Variants in COL21A1 observed in about 807,000 individuals in gnomAD.
The protein encoded by COL21A1 is collagen alpha-1(XXI) chain.
Under a neutral mutation model 137.9 loss-of-function variants are expected in COL21A1, and 149 were observed. The observed-to-expected ratio is 1.08, with a 90% CI of 0.95 to 1.24. COL21A1 has a LOEUF of 1.24. Among genes scored for constraint, COL21A1 ranks in the 50% most tolerant of loss-of-function variants. The pLI is 0.00. For missense variants in COL21A1, 1,167 were observed against 1,158.4 expected (o/e 1.01, Z -0.11); for synonymous variants, 456 against 391.5 (o/e 1.16, Z -1.95).
intron 5 of COL21A1, among the ~76,000 whole-genome samples, chr6:56,169,012 G>C (rs1434678629): frequency 6.6e-6 from 1 of 151,904 alleles, no homozygotes; most frequent in African/African-American, 2.4e-5. Flanking sequence ...ACCCCCCAGA[G>C]TTTTCTTCTT....
chr6:56,278,611 G>T (rs1303035066), intron 1 of COL21A1, among the ~76,000 whole-genome samples: 1 of 152,152 alleles, frequency 6.6e-6, no homozygotes, highest in Non-Finnish European at 1.5e-5. Flanking sequence ...CATTCATGCA[G>T]CATGGTATAT....
chr6:56,297,913 C>A (rs143004493), intron 1 of COL21A1, among the ~76,000 whole-genome samples: 2,943 of 152,024 alleles, frequency 0.019, 53 homozygotes, highest in Non-Finnish European at 0.033. Flanking sequence ...CTCAATTCTG[C>A]ACTGTTCATT....
rs1446495516 is a variant in COL21A1, at chr6:56,156,946, CA to C, written c.1374del (p.Asp459ThrfsTer121). 1.9e-6 allele frequency: 3 copies of C among 1,610,300 alleles called. No homozygotes were observed. The highest frequency in any genetic ancestry group is 2.5e-6 in the Non-Finnish European group (3 of 1,178,348). On this transcript the variant is annotated frameshift_variant and splice_region_variant, in exon 10 of 30. Coordinates refer to ENST00000244728, the MANE Select transcript of COL21A1 (RefSeq NM_030820.4). LOFTEE classifies it high-confidence loss of function. ...PGKPGLQGPK[G>X]DPGLPGNPGY... Reference sequence around the variant, plus strand: ...CCAGGGTTCCCAGGCAGTCCAGGGTCACCCTAAGCAGGAAGCAAACAAACTT... The same window carrying C: ...CCAGGGTTCCCAGGCAGTCCAGGGTCCCCTAAGCAGGAAGCAAACAAACTT...
chr6:56,298,006 C>T (rs1192832764), intron 1 of COL21A1, among the ~76,000 whole-genome samples: 1 of 151,902 alleles, frequency 6.6e-6, no homozygotes, highest in Non-Finnish European at 1.5e-5. Context: ...GAATATCTGG[C>T]TCTAACACTT....
intron 1 of COL21A1, among the ~76,000 whole-genome samples, chr6:56,320,518 AACACACACACACACAC>A (rs55942460): frequency 1.3e-5 from 2 of 149,492 alleles, no homozygotes; most frequent in Admixed American, 6.7e-5. Flanking sequence ...ACACAATCTG[AACACACACACACACAC>A]ACACACACAC....
chr6:56,103,946 T>C (rs1245807861), intron 16 of COL21A1, among the ~76,000 whole-genome samples: 1 of 152,176 alleles, frequency 6.6e-6, no homozygotes, highest in Non-Finnish European at 1.5e-5. Flanking sequence ...GAAACACTAC[T>C]CTAGCCCAGA....
At chr6:56,329,684 C>A (rs1372801923) in intron 1 of COL21A1, among the ~76,000 whole-genome samples, 1 of 152,008 alleles carries the variant, frequency 6.6e-6, no homozygotes, top group South Asian at 2.1e-4. Flanking sequence ...AATAAGGCTG[C>A]CACGAACTTG....
In COL21A1 at chr6:56,279,898, C is replaced by T. The variant is rs541172723; in HGVS notation, c.-38-97242G>A. ...AGTAATCTAGGTTAATGTTTAATAG[C>T]AATGCAAGGAAGTTAAGCCTGATAA... is the stretch of plus-strand genomic sequence containing the variant. On this transcript the variant is annotated intron_variant, in intron 1 of 28. Coordinates refer to the COL21A1 transcript ENST00000370819. Among the ~76,000 whole-genome samples the T allele has an allele frequency of 5.3e-5, 8 of 152,228 alleles. 1 individual carries two copies. In the South Asian group the frequency reaches 1.2e-3, roughly 24 times the overall value.
At chr6:56,088,889 T>A (rs1768521954) in intron 17 of COL21A1, among the ~76,000 whole-genome samples, 1 of 152,052 alleles carries the variant, frequency 6.6e-6, no homozygotes, top group Non-Finnish European at 1.5e-5. Flanking sequence ...CAGGCTCAGG[T>A]GATCCCCCCA....
intron 9 of COL21A1, among the ~76,000 whole-genome samples, chr6:56,161,520 T>C (rs1161331226): frequency 6.6e-6 from 1 of 152,166 alleles, no homozygotes; most frequent in Admixed American, 6.5e-5. Flanking sequence ...CACAATTCCT[T>C]TAACAAAAAG....
intron 1 of COL21A1, among the ~76,000 whole-genome samples, chr6:56,260,696 G>GAAGGAAGTAAGT (rs1171498184): frequency 1.3e-4 from 6 of 45,664 alleles, no homozygotes. Flanking sequence ...AGGAAGGCAG[G>GAAGGAAGTAAGT]CAGGCAGGCA....
intron 1 of COL21A1, among the ~76,000 whole-genome samples, chr6:56,343,153 T>C (rs1027023477): frequency 6.6e-6 from 1 of 152,132 alleles, no homozygotes; most frequent in African/African-American, 2.4e-5. Context: ...AGAGGAAAGA[T>C]TTCCTTTAAA....
At chr6:56,097,298 G>A (rs1369894010) in intron 17 of COL21A1, among the ~76,000 whole-genome samples, 1 of 152,048 alleles carries the variant, frequency 6.6e-6, no homozygotes, top group East Asian at 1.9e-4. Context: ...TTACCCACTA[G>A]ATTTAGGAGA....
chr6:56,065,301 C>T (rs2114060017), intron 23 of COL21A1, among the ~76,000 whole-genome samples: 1 of 152,080 alleles, frequency 6.6e-6, no homozygotes, highest in East Asian at 1.9e-4. Flanking sequence ...CTAGTGACTA[C>T]AATTTTACAT....
chr6:56,278,477 C>T (rs180733220), intron 1 of COL21A1, among the ~76,000 whole-genome samples: 3 of 152,288 alleles, frequency 2.0e-5, no homozygotes, highest in Non-Finnish European at 4.4e-5. Flanking sequence ...GGCCTATAAA[C>T]ACTGCATACC....
intron 1 of COL21A1, among the ~76,000 whole-genome samples, chr6:56,365,877 AG>A (rs1766087296): frequency 6.6e-6 from 1 of 152,216 alleles, no homozygotes; most frequent in Non-Finnish European, 1.5e-5. Context: ...TTATAGATTA[AG>A]ATGCCACCTC....
rs116018869 is a variant in COL21A1 at position 56,322,280 on chromosome 6, C to G, written c.-39+71691G>C. On this transcript the variant is annotated intron_variant, in intron 1 of 28. Transcript: ENST00000370819. Reference sequence around the variant, plus strand: ...AATTCTTCTCCATAACAACGCCCAACTACATGTCTCACAACCAGCTCTTCA... The same window carrying G: ...AATTCTTCTCCATAACAACGCCCAAGTACATGTCTCACAACCAGCTCTTCA... Among the ~76,000 whole-genome samples the G allele has an allele frequency of 7.2e-3, 1,098 of 152,240 alleles. 11 individuals carry two copies. The highest frequency in any genetic ancestry group is 0.025 in the African/African-American group (1,025 of 41,540).
intron 21 of COL21A1, among the ~76,000 whole-genome samples, 185 bp from the exon 22 acceptor site, chr6:56,069,302 C>T (rs1380477732): frequency 6.6e-6 from 1 of 151,430 alleles, no homozygotes; most frequent in African/African-American, 2.4e-5. Context: ...TTGTATTTTT[C>T]TCTATCTTTT....
In COL21A1 at chr6:56,371,821, A is replaced by T. The variant is rs374772304; in HGVS notation, c.-39+22150T>A. Reference sequence around the variant, plus strand: ...CCTTTCATCTATTTCTCCTGGGCTAAACCCCTAAAGGCCTCAGCTCCCTGG... The same window carrying T: ...CCTTTCATCTATTTCTCCTGGGCTATACCCCTAAAGGCCTCAGCTCCCTGG... On this transcript the variant is annotated intron_variant, in intron 1 of 28. Transcript: ENST00000370819. Among the ~76,000 whole-genome samples the T allele has an allele frequency of 2.7e-4, 41 of 152,276 alleles. 2 individuals carry two copies. The South Asian group carries it at 8.5e-3, about 32-fold the overall frequency.
Sources: gnomAD v4.1 joint callset for allele counts (sites outside exome capture counted in the v4.1 genomes callset) on GRCh38, gnomAD v4.1.1 for gene constraint, MANE v1.5 for transcripts, NCBI Gene and HGNC (gene_info 2026-07-23, HGNC 2026-07-21) for gene names.